The following DCC variants were observed in gnomAD, a reference collection of about 807,000 sequenced individuals.
DCC encodes netrin receptor DCC.
In DCC, 58 loss-of-function variants were observed where a neutral mutation model predicts 172.5. The observed-to-expected ratio is 0.34, with a 90% CI of 0.27 to 0.42. The LOEUF is 0.42. DCC is among the 10% of genes least tolerant of loss of function. The pLI is 1.00. For missense variants in DCC, 1,740 were observed against 1,791.0 expected, an observed-to-expected ratio of 0.97 and a Z score of 0.51; for synonymous variants, 709 against 644.5, an observed-to-expected ratio of 1.10 and a Z score of -1.52.
intron 5 of DCC, among the ~76,000 whole-genome samples, chr18:52,999,689 A>C (rs1007625101): frequency 1.3e-5 from 2 of 152,136 alleles, no homozygotes; most frequent in African/African-American, 4.8e-5. Flanking sequence ...GATATTGACC[A>C]AACAATTCTA....
At chr18:52,741,158 G>A (rs1422708559) in intron 1 of DCC, among the ~76,000 whole-genome samples, 4 of 152,092 alleles carry the variant, frequency 2.6e-5, no homozygotes, top group South Asian at 4.1e-4. Flanking sequence ...AGTCTTCTGG[G>A]GCTCTTTTCT....
chr18:53,459,579 A>G, intron 24 of DCC, 121 bp downstream of exon 24: 2 of 724,208 alleles, frequency 2.8e-6, no homozygotes, highest in Non-Finnish European at 5.0e-6. Flanking sequence ...TCATTTATCA[A>G]TAGTTAAATG....
chr18:52,476,214 T>C (rs549294883), intron 1 of DCC, among the ~76,000 whole-genome samples: 12 of 152,322 alleles, frequency 7.9e-5, no homozygotes, highest in African/African-American at 2.9e-4. Context: ...TCACATTTTA[T>C]ATTCCATAAA....
At chr18:52,995,374 A>T (rs955163543) in intron 5 of DCC, among the ~76,000 whole-genome samples, 4 of 152,148 alleles carry the variant, frequency 2.6e-5, no homozygotes, top group African/African-American at 9.7e-5. Context: ...ACTTACTAGC[A>T]GCCCCATAAT....
intron 1 of DCC, among the ~76,000 whole-genome samples, chr18:52,502,789 G>A (rs959167984): frequency 1.3e-5 from 2 of 152,186 alleles, no homozygotes; most frequent in East Asian, 3.8e-4. Flanking sequence ...CCCCGAGGCG[G>A]GAGTTCATAC....
At chr18:52,349,040 A>C (rs912758470) in intron 1 of DCC, among the ~76,000 whole-genome samples, 1 of 152,194 alleles carries the variant, frequency 6.6e-6, no homozygotes. Flanking sequence ...TAGACACCAA[A>C]TCTGAGTTAA....
chr18:52,743,820 CT>C (rs1430816769), intron 1 of DCC, among the ~76,000 whole-genome samples: 1 of 152,134 alleles, frequency 6.6e-6, no homozygotes, highest in Non-Finnish European at 1.5e-5. Flanking sequence ...ATTTAGTTCC[CT>C]GTAAAGGGAA....
intron 2 of DCC, chr18:52,754,383 G>A: frequency 6.6e-6 from 1 of 152,168 alleles, no homozygotes; most frequent in Non-Finnish European, 1.5e-5. Context: ...AACCCCCAAT[G>A]TGATAGCACT....
At chr18:53,257,198 T>A (rs2056529193) in intron 12 of DCC, among the ~76,000 whole-genome samples, 1 of 152,036 alleles carries the variant, frequency 6.6e-6, no homozygotes, top group South Asian at 2.1e-4. Context: ...ATTGAATACC[T>A]TTTATTTCCT....
chr18:52,930,354 G>C (rs974958587), intron 5 of DCC, among the ~76,000 whole-genome samples: 1 of 152,092 alleles, frequency 6.6e-6, no homozygotes, highest in South Asian at 2.1e-4. Context: ...AGCTACTCAG[G>C]AATCTGAAGG....
chr18:52,365,554 A>T (rs1430256183), intron 1 of DCC, among the ~76,000 whole-genome samples: 1 of 151,818 alleles, frequency 6.6e-6, no homozygotes, highest in Non-Finnish European at 1.5e-5. Context: ...GTACGAGGGG[A>T]GAGTATGGCA....
At chr18:53,091,123 G>A (rs550400793) in intron 7 of DCC, among the ~76,000 whole-genome samples, 8 of 151,828 alleles carry the variant, frequency 5.3e-5, no homozygotes, top group African/African-American at 1.9e-4. Flanking sequence ...AACAGAAAAC[G>A]GCTATCTTAG....
intron 5 of DCC, among the ~76,000 whole-genome samples, chr18:53,014,946 T>C (rs998239496): frequency 6.6e-6 from 1 of 152,166 alleles, no homozygotes; most frequent in African/African-American, 2.4e-5. Flanking sequence ...AAATCCTTTA[T>C]GTATCTTATT....
At chr18:53,082,034 A>G (rs920229761) in intron 7 of DCC, among the ~76,000 whole-genome samples, 5 of 152,076 alleles carry the variant, frequency 3.3e-5, no homozygotes, top group Admixed American at 3.3e-4. Context: ...AAGAGTGCTT[A>G]ATCTAAAATC....
chr18:52,743,854 T>C (rs1212091643), intron 1 of DCC, among the ~76,000 whole-genome samples: 1 of 152,232 alleles, frequency 6.6e-6, no homozygotes, highest in African/African-American at 2.4e-5. Flanking sequence ...AATCAGGGTA[T>C]CAAGAGCAAA....
intron 3 of DCC, among the ~76,000 whole-genome samples, chr18:52,921,472 G>T (rs1393918399): frequency 6.6e-6 from 1 of 152,068 alleles, no homozygotes. Context: ...GCTTAGGTGG[G>T]CAGATCACCT....
Position 53,429,048 on chromosome 18 carries a change from AATATATTATATATTTTAT to A in DCC, c.3164-6090_3164-6073del, listed in dbSNP as rs1174368682. Reference sequence around the variant, plus strand: ...TTTATATAATATATATTTTATATATAATATATTATATATTTTATATATAATATATATTTTATATAATAT... The same window carrying A: ...TTTATATAATATATATTTTATATATAATATAATATATATTTTATATAATAT... On this transcript the variant is annotated intron_variant, in intron 21 of 28. Transcript: ENST00000442544. 1.5e-4 allele frequency among the ~76,000 whole-genome samples: 3 copies of A among 19,504 alleles called. No homozygotes were observed. The East Asian group carries it at 5.1e-3, about 33-fold the overall frequency. The allele number at this position is 19,504 out of a possible 152,430, so 12.8% of individuals were successfully genotyped here. A position where few individuals can be genotyped will look rare whatever the true frequency, so the allele number is the denominator to read the frequency against.
rs923284937 is a variant in DCC at position 53,535,235 on chromosome 18, T to C, written c.*4582T>C. 6.6e-6 allele frequency: 1 copy of C among 152,168 alleles called. No homozygotes were observed. The highest frequency in any genetic ancestry group is 6.5e-5 in the Admixed American group (1 of 15,274). 9.4% of individuals were successfully genotyped at this position (152,168 alleles called of 1,614,324 possible). ...GAGTGGCTTCTTTTTGGATAATTTA[T>C]GATAAAAAGGGAGATCTGGTTGGGA... On this transcript the variant is annotated 3_prime_UTR_variant, in exon 29 of 29. Coordinates refer to ENST00000442544, the MANE Select transcript of DCC (RefSeq NM_005215.4).
At chr18:52,781,476 A>G (rs2037541967) in intron 2 of DCC, among the ~76,000 whole-genome samples, 2 of 152,146 alleles carry the variant, frequency 1.3e-5, no homozygotes, top group African/African-American at 4.8e-5. Context: ...GAATACTTCT[A>G]TGCAAGTGTC....
Sources: allele counts gnomAD v4.1 joint callset (sites outside exome capture counted in the v4.1 genomes callset), GRCh38; gene constraint gnomAD v4.1.1; transcripts MANE v1.5; gene names NCBI Gene and HGNC (gene_info 2026-07-23, HGNC 2026-07-21).